Variants in UNC80 observed in about 807,000 individuals in gnomAD.
UNC80 encodes the protein protein unc-80 homolog.
Under a neutral mutation model 384.6 loss-of-function variants are expected in UNC80, and 164 were observed. The observed-to-expected ratio is 0.43, with a 90% CI of 0.38 to 0.49. UNC80 has a LOEUF of 0.49. Ranked by LOEUF, UNC80 falls within the 20% of genes least tolerant of loss-of-function variation. UNC80 has a pLI of 0.00. For missense variants in UNC80, 3,330 were observed against 4,143.0 expected (o/e 0.80, Z 5.39); for synonymous variants, 1,486 against 1,527.8 (o/e 0.97, Z 0.64).
In UNC80 at chr2:209,912,616, C is replaced by T. The variant is rs1166697338; in HGVS notation, c.4839C>T (p.Ala1613=). The T allele has an allele frequency of 6.4e-7, 1 of 1,551,264 alleles. No individual in the cohort carries two copies. The highest frequency in any genetic ancestry group is 1.4e-5 in the African/African-American group (1 of 72,984). ...CTCTAAAGAAGAGAGTTTCAGATGCCAATCTGGAAGGAAAAAAAGATTCCG... is the reference window on the plus strand; with the variant it reads ...CTCTAAAGAAGAGAGTTTCAGATGCTAATCTGGAAGGAAAAAAAGATTCCG... ...TPSLKKRVSD[A]NLEGKKDSGM... The change falls in exon 30 of 65, where the codon GCC becomes GCT. Residue 1613 remains alanine, a synonymous_variant. Transcript: ENST00000673920.
chr2:209,794,210 A>G (rs2078012778), intron 7 of UNC80, among the ~76,000 whole-genome samples: 1 of 152,208 alleles, frequency 6.6e-6, no homozygotes, highest in African/African-American at 2.4e-5. Flanking sequence ...ATACCGCTAG[A>G]TCCTTGTATT....
rs2076590557 is a variant in UNC80, at chr2:209,771,841, GC to G, written c.-226del. Reference sequence around the variant, plus strand: ...GGCGAGGCGGACCGCTGCTCCGAGCGCCCCCCTCCTCGCTCCGCGGCTCCTC... The same window carrying G: ...GGCGAGGCGGACCGCTGCTCCGAGCGCCCCCTCCTCGCTCCGCGGCTCCTC... On this transcript the variant is annotated 5_prime_UTR_variant, in exon 1 of 65. Coordinates refer to ENST00000673920, the MANE Select transcript of UNC80 (RefSeq NM_001371986.1). Among the ~76,000 whole-genome samples the G allele has an allele frequency of 6.6e-6, 1 of 152,070 alleles. No individual in the cohort carries two copies. Among genetic ancestry groups the G allele is most frequent in the Non-Finnish European group, 1.5e-5 (1 of 68,010 alleles).
At chr2:209,969,317 C>A (rs1258854360) in intron 52 of UNC80, 1 of 156,546 alleles carries the variant, frequency 6.4e-6, no homozygotes, top group Non-Finnish European at 1.4e-5. Flanking sequence ...CTAATGTGAT[C>A]TTCTTGGCAG....
chr2:209,913,618 T>A (rs1041306669), intron 30 of UNC80, among the ~76,000 whole-genome samples, 184 bp from the exon 31 acceptor site: 1 of 152,162 alleles, frequency 6.6e-6, no homozygotes, highest in Non-Finnish European at 1.5e-5. Flanking sequence ...TAATTATGCT[T>A]CAGTTATAAG....
In UNC80 at chr2:209,815,316, G is replaced by A; in HGVS notation, c.1260G>A (p.Lys420=). Residue 420 remains lysine, a synonymous_variant, in exon 9 of 65, where the codon AAG becomes AAA. Transcript: ENST00000673920. Reference sequence around the variant, plus strand: ...CTCTTAGCTCTGAGGCCTTTTCCAAGGTTTCACTGACCAATCTGCGTAGAT... The same window carrying A: ...CTCTTAGCTCTGAGGCCTTTTCCAAAGTTTCACTGACCAATCTGCGTAGAT... ...EKSLSSEAFS[K]VSLTNLRRSA... 1.3e-6 allele frequency: 2 copies of A among 1,551,640 alleles called. No individual in the cohort carries two copies. Among genetic ancestry groups the A allele is most frequent in the Non-Finnish European group, 1.7e-6 (2 of 1,146,974 alleles).
chr2:209,967,457 C>G lies in UNC80; in HGVS notation c.7826C>G (p.Ser2609Cys), dbSNP rs1215936926. Residue 2609 changes from serine to cysteine, a missense_variant, in exon 52 of 65, where the codon TCC becomes TGC. Ser to Cys is a moderately radical substitution (Grantham distance 112). Transcript: ENST00000673920. ...SHMRLAEIAH[S>C]LLKLAPYDTQ... Reference sequence around the variant, plus strand: ...TTTAGGTTGGCAGAAATTGCACACTCCCTTCTGAAGCTGGCACCATATGAC... The same window carrying G: ...TTTAGGTTGGCAGAAATTGCACACTGCCTTCTGAAGCTGGCACCATATGAC... 3 of 1,551,124 alleles carry G rather than the reference C, an allele frequency of 1.9e-6. No homozygotes were observed. The highest frequency in any genetic ancestry group is 1.4e-5 in the African/African-American group (1 of 73,082).
intron 30 of UNC80, among the ~76,000 whole-genome samples, chr2:209,913,171 T>G (rs564032803): frequency 2.0e-5 from 3 of 152,370 alleles, no homozygotes; most frequent in African/African-American, 7.2e-5. Context: ...CACATTGTTA[T>G]ATTGTTATTA....
intron 22 of UNC80, among the ~76,000 whole-genome samples, chr2:209,871,021 A>C (rs1012450268): frequency 2.0e-5 from 3 of 152,212 alleles, no homozygotes; most frequent in Non-Finnish European, 2.9e-5. Flanking sequence ...AGATGGGCAT[A>C]GAAAAGGAGA....
intron 19 of UNC80, 143 bp from the exon 20 acceptor site, chr2:209,840,399 G>A: frequency 1.5e-6 from 1 of 680,324 alleles, no homozygotes; most frequent in Non-Finnish European, 2.5e-6. Context: ...TTTATTCAAA[G>A]CATGTACATT....
intron 28 of UNC80, among the ~76,000 whole-genome samples, chr2:209,899,064 C>G (rs192143944): frequency 6.6e-6 from 1 of 152,218 alleles, no homozygotes; most frequent in Admixed American, 6.5e-5. Flanking sequence ...TTATTGTGAA[C>G]AGTGCCACAA....
At position 209,901,760 on chromosome 2, in the gene UNC80, A is replaced by G. The variant is rs553062515; in HGVS notation, c.4582-3005A>G. 2.6e-5 allele frequency among the ~76,000 whole-genome samples: 4 copies of G among 152,188 alleles called. No homozygotes were observed. The East Asian group carries it at 7.8e-4, about 30-fold the overall frequency. On this transcript the variant is annotated intron_variant, in intron 28 of 64. Coordinates refer to ENST00000673920, the MANE Select transcript of UNC80 (RefSeq NM_001371986.1). The stretch of plus-strand genomic sequence containing the variant: ...GCTAACACGGTGAAACCCCGTCTCT[A>G]CTAAAAATACAAAATAAAATTAGCC...
rs577381829 is a variant in UNC80, at chr2:209,777,811, A to C, written c.600+252A>C. Among the ~76,000 whole-genome samples the C allele has an allele frequency of 5.8e-4, 89 of 152,318 alleles. No homozygotes were observed. In the South Asian group the frequency reaches 0.014, roughly 24 times the overall value. On this transcript the variant is annotated intron_variant, in intron 4 of 64. Coordinates refer to ENST00000673920, the MANE Select transcript of UNC80 (RefSeq NM_001371986.1). ...CATGATAATGCCCAACATATTAAGCATAGAATAAAAGGTCAAGCATGATGT... is the reference window on the plus strand; with the variant it reads ...CATGATAATGCCCAACATATTAAGCCTAGAATAAAAGGTCAAGCATGATGT...
Position 209,777,407 on chromosome 2 carries a change from C to A in UNC80, c.448C>A (p.His150Asn), listed in dbSNP as rs201833017. 92 of 1,614,058 alleles carry A rather than the reference C, an allele frequency of 5.7e-5. No individual in the cohort carries two copies. Among genetic ancestry groups the A allele is most frequent in the Non-Finnish European group, 7.2e-5 (85 of 1,180,044 alleles). ...GGGTGGAAGCAGCAGTGCTTTCATC[C>A]ACCAGGTTGAAAACCAGGGTTCTCC... ...SWGGSSSAFI[H>N]QVENQGSPGQ... The change falls in exon 4 of 65, where the codon CAC (histidine) becomes AAC (asparagine). Residue 150 changes from histidine (H) to asparagine (N), a missense_variant. Coordinates refer to ENST00000673920, the MANE Select transcript of UNC80 (RefSeq NM_001371986.1).
At chr2:209,919,710 A>G (rs1170473553) in intron 33 of UNC80, among the ~76,000 whole-genome samples, 1 of 152,264 alleles carries the variant, frequency 6.6e-6, no homozygotes, top group African/African-American at 2.4e-5. Flanking sequence ...TTTTATTTTA[A>G]TTCTACCTTC....
At chr2:209,906,656 T>C (rs149881164) in intron 29 of UNC80, among the ~76,000 whole-genome samples, 186 of 152,144 alleles carry the variant, frequency 1.2e-3, no homozygotes, top group African/African-American at 4.3e-3. Context: ...ATACAAATTC[T>C]GAGGGGAATG....
chr2:209,962,677 C>T (rs2092629813), intron 51 of UNC80, among the ~76,000 whole-genome samples: 1 of 152,102 alleles, frequency 6.6e-6, no homozygotes, highest in South Asian at 2.1e-4. Flanking sequence ...CCTTTATTAA[C>T]GCAATTTCTC....
intron 25 of UNC80, among the ~76,000 whole-genome samples, chr2:209,881,841 A>G (rs2085318797): frequency 6.6e-6 from 1 of 152,146 alleles, no homozygotes; most frequent in Admixed American, 6.5e-5. Context: ...TGGTTCTTTC[A>G]TCACAGGCAT....
At chr2:209,856,757 TTTAC>T (rs2082950088) in intron 22 of UNC80, among the ~76,000 whole-genome samples, 1 of 145,494 alleles carries the variant, frequency 6.9e-6, no homozygotes, top group African/African-American at 2.7e-5. Context: ...GGTTTTTTTG[TTTAC>T]TTATTTATTT....
intron 29 of UNC80, among the ~76,000 whole-genome samples, chr2:209,912,168 C>G (rs1259460954): frequency 6.6e-6 from 1 of 152,120 alleles, no homozygotes; most frequent in Non-Finnish European, 1.5e-5. Context: ...TTTTATCTGA[C>G]TAAATATTTT....
Sources: allele counts gnomAD v4.1 joint callset (sites outside exome capture counted in the v4.1 genomes callset), GRCh38; gene constraint gnomAD v4.1.1; transcripts MANE v1.5; gene names NCBI Gene and HGNC (gene_info 2026-07-23, HGNC 2026-07-21).